EPHA6: variants seen among roughly 807,000 people sequenced by gnomAD.
EPHA6 encodes the protein EPH receptor A6, also known as ephrin type-A receptor 6.
Under a neutral mutation model 112.0 loss-of-function variants are expected in EPHA6, and 50 were observed. The observed-to-expected ratio is 0.45, with a 90% CI of 0.36 to 0.56. EPHA6 has a LOEUF of 0.56. Among genes scored for constraint, EPHA6 ranks in the 20% least tolerant of loss-of-function variants. EPHA6 has a pLI of 0.00. For missense variants in EPHA6, 1,280 were observed against 1,417.4 expected, an observed-to-expected ratio of 0.90 and a Z score of 1.56; for synonymous variants, 529 against 490.7, an observed-to-expected ratio of 1.08 and a Z score of -1.03.
chr3:97,568,880 AGAGTG>A (rs1560147077), intron 11 of EPHA6, among the ~76,000 whole-genome samples: 2 of 152,212 alleles, frequency 1.3e-5, no homozygotes, highest in Non-Finnish European at 2.9e-5. Context: ...ACCAAGGAGC[AGAGTG>A]GATGTCATCG....
chr3:97,608,935 G>A (rs140136130), intron 12 of EPHA6, among the ~76,000 whole-genome samples: 1 of 151,402 alleles, frequency 6.6e-6, no homozygotes, highest in African/African-American at 2.4e-5. Context: ...CCAGCTATTT[G>A]ACTTTAGACA....
At chr3:97,617,986 C>G (rs770482252) in intron 13 of EPHA6, among the ~76,000 whole-genome samples, 1 of 152,116 alleles carries the variant, frequency 6.6e-6, no homozygotes, top group Non-Finnish European at 1.5e-5. Flanking sequence ...ACATTTTTCT[C>G]GTCACCACAT....
At chr3:97,620,958 G>T (rs746521221) in intron 13 of EPHA6, among the ~76,000 whole-genome samples, 1 of 151,908 alleles carries the variant, frequency 6.6e-6, no homozygotes, top group Admixed American at 6.6e-5. Context: ...AAACACACAC[G>T]CATGCATATA....
intron 16 of EPHA6, 128 bp from the exon 17 acceptor site, chr3:97,747,295 G>A (rs1203938058): frequency 1.3e-6 from 1 of 767,570 alleles, no homozygotes; most frequent in African/African-American, 1.8e-5. Context: ...AAAATCAGAG[G>A]CTTTCAAATG....
chr3:97,321,080 G>A (rs771329035), intron 5 of EPHA6, among the ~76,000 whole-genome samples: 1 of 151,756 alleles, frequency 6.6e-6, no homozygotes, highest in African/African-American at 2.4e-5. Flanking sequence ...GATTCATCAC[G>A]GTGGAAATGT....
chr3:97,453,101 C>T (rs2090579769), intron 7 of EPHA6, among the ~76,000 whole-genome samples: 1 of 151,482 alleles, frequency 6.6e-6, no homozygotes, highest in East Asian at 1.9e-4. Context: ...ACATTAAATT[C>T]CATATATATA....
intron 3 of EPHA6, among the ~76,000 whole-genome samples, chr3:97,221,356 A>G (rs1403335196): frequency 6.8e-6 from 1 of 146,950 alleles, no homozygotes; most frequent in East Asian, 2.0e-4. Context: ...ACGATGGTCT[A>G]TTCCCAAATA....
chr3:97,085,946 T>TATATATAC lies in EPHA6; in HGVS notation c.1114+97956_1114+97957insTATACATA, dbSNP rs952418337. ...ATGATGTCATATATATATATATATA[T>TATATATAC]ATACACACTGAGATGGAGTCTCTTG... On this transcript the variant is annotated intron_variant, in intron 3 of 17. Coordinates refer to ENST00000389672, the MANE Select transcript of EPHA6 (RefSeq NM_001080448.3). Among the ~76,000 whole-genome samples, 7 of 145,048 alleles carry TATATATAC rather than the reference T, an allele frequency of 4.8e-5. 1 individual carries two copies. The highest frequency in any genetic ancestry group is 1.9e-4 in the African/African-American group (7 of 36,256).
chr3:97,207,113 T>A (rs1472809546), intron 3 of EPHA6, among the ~76,000 whole-genome samples: 1 of 152,144 alleles, frequency 6.6e-6, no homozygotes, highest in Non-Finnish European at 1.5e-5. Flanking sequence ...TGGTATTTCT[T>A]TGATAATGGA....
intron 3 of EPHA6, among the ~76,000 whole-genome samples, chr3:97,139,631 G>T (rs961527760): frequency 1.6e-4 from 24 of 152,106 alleles, no homozygotes; most frequent in Non-Finnish European, 3.4e-4. Flanking sequence ...AAGAGGCAAA[G>T]CCAAAGGACC....
At chr3:97,263,735 A>G (rs1209618721) in intron 5 of EPHA6, among the ~76,000 whole-genome samples, 3 of 152,074 alleles carry the variant, frequency 2.0e-5, no homozygotes, top group Non-Finnish European at 4.4e-5. Flanking sequence ...GTAATATGCA[A>G]AGTTAAAAGA....
At chr3:96,818,133 T>A (rs1194138020) in intron 1 of EPHA6, among the ~76,000 whole-genome samples, 1 of 152,032 alleles carries the variant, frequency 6.6e-6, no homozygotes, top group Non-Finnish European at 1.5e-5. Flanking sequence ...AAACATTTCA[T>A]CTTTTCAAGG....
intron 3 of EPHA6, among the ~76,000 whole-genome samples, chr3:97,185,815 A>G (rs1482279880): frequency 6.6e-6 from 1 of 152,168 alleles, no homozygotes; most frequent in African/African-American, 2.4e-5. Flanking sequence ...AACCAAGCCA[A>G]ATGTCCAACA....
chr3:97,015,455 G>A (rs948769398), intron 3 of EPHA6, among the ~76,000 whole-genome samples: 4 of 151,990 alleles, frequency 2.6e-5, no homozygotes, highest in African/African-American at 9.7e-5. Context: ...AATTATGAGG[G>A]TCTGTCTGGA....
chr3:97,501,292 G>GTC (rs1159032389), intron 10 of EPHA6, among the ~76,000 whole-genome samples: 1 of 151,984 alleles, frequency 6.6e-6, no homozygotes, highest in African/African-American at 2.4e-5. Context: ...AAAGCTGGAA[G>GTC]ATCTGAATGA....
intron 3 of EPHA6, among the ~76,000 whole-genome samples, chr3:97,109,397 G>T (rs2047655769): frequency 6.6e-6 from 1 of 152,074 alleles, no homozygotes; most frequent in Non-Finnish European, 1.5e-5. Flanking sequence ...TCTCTCATGG[G>T]CCTAGTTCAG....
intron 1 of EPHA6, among the ~76,000 whole-genome samples, chr3:96,816,634 C>G (rs888672226): frequency 6.6e-6 from 1 of 152,010 alleles, no homozygotes; most frequent in Non-Finnish European, 1.5e-5. Flanking sequence ...AAGTTTGTAA[C>G]AGTTGTTCCC....
Position 97,188,893 on chromosome 3 carries a change from G to A in EPHA6, c.1115-37371G>A, listed in dbSNP as rs183063764. Among the ~76,000 whole-genome samples, 109 of 151,988 alleles carry A rather than the reference G, an allele frequency of 7.2e-4. 3 individuals carry two copies. Among genetic ancestry groups the A allele is most frequent in the Admixed American group, 7.1e-3 (108 of 15,256 alleles). ...AACATAGGCTAAATCATTAACAGTG[G>A]CTACTGAAGATGAGCAGTTTGGGAT... On this transcript the variant is annotated intron_variant, in intron 3 of 17. Transcript: ENST00000389672.
At chr3:97,301,815 T>G (rs1233719817) in intron 5 of EPHA6, among the ~76,000 whole-genome samples, 4 of 152,062 alleles carry the variant, frequency 2.6e-5, no homozygotes, top group African/African-American at 9.7e-5. Context: ...GATTAATGTT[T>G]AACTTATAAT....
Sources: gnomAD v4.1 joint callset for allele counts (sites outside exome capture counted in the v4.1 genomes callset) on GRCh38, gnomAD v4.1.1 for gene constraint, MANE v1.5 for transcripts, NCBI Gene and HGNC (gene_info 2026-07-23, HGNC 2026-07-21) for gene names.